PRDM16: variants seen among roughly 807,000 people sequenced by gnomAD.
The protein encoded by PRDM16 is histone-lysine N-methyltransferase PRDM16.
PRDM16 carries 23 observed loss-of-function variants against 110.6 expected under a neutral mutation model. That is an observed-to-expected ratio of 0.21 (90% confidence interval 0.15 to 0.29). The LOEUF (loss-of-function observed/expected upper bound fraction) is 0.29, where lower values mean the gene tolerates loss of function less well. Ranked by LOEUF, PRDM16 falls within the 10% of genes least tolerant of loss-of-function variation. The pLI, the probability that PRDM16 is intolerant of heterozygous loss-of-function variation, is 1.00. For synonymous variants in PRDM16, 799 were observed against 781.8 expected (o/e 1.02, Z -0.37); for missense variants, 1,615 against 1,794.3 (o/e 0.90, Z 1.81).
chr1:3,212,911 C>A (rs1638932046), intron 2 of PRDM16, among the ~76,000 whole-genome samples: 1 of 152,226 alleles, frequency 6.6e-6, no homozygotes, highest in African/African-American at 2.4e-5. Flanking sequence ...AGGCCCCGAG[C>A]CTTTCCTTTT....
intron 1 of PRDM16, among the ~76,000 whole-genome samples, chr1:3,091,822 C>T (rs1037271549): frequency 6.6e-6 from 1 of 152,202 alleles, no homozygotes; most frequent in Non-Finnish European, 1.5e-5. Context: ...CCACTTGCCC[C>T]GACTCTGTGA....
intron 2 of PRDM16, among the ~76,000 whole-genome samples, chr1:3,215,180 ACATCC>A (rs1315354609): frequency 2.0e-5 from 3 of 152,224 alleles, no homozygotes; most frequent in Non-Finnish European, 2.9e-5. Context: ...AACCAAAAGG[ACATCC>A]CCAAGAAGTC....
chr1:3,431,626 C>A (rs1243605239), intron 15 of PRDM16, among the ~76,000 whole-genome samples: 1 of 149,818 alleles, frequency 6.7e-6, no homozygotes, highest in Non-Finnish European at 1.5e-5. Context: ...GCCCCTGAGT[C>A]CTGGGAGAGG....
intron 3 of PRDM16, among the ~76,000 whole-genome samples, chr1:3,314,073 G>GT (rs1553161927): frequency 1.4e-5 from 2 of 141,720 alleles, no homozygotes; most frequent in Non-Finnish European, 3.0e-5. Context: ...TTCCCCACCG[G>GT]GGGGGGGGGC....
intron 16 of PRDM16, 33 bp downstream of exon 16, chr1:3,432,173 A>G: frequency 6.3e-7 from 1 of 1,586,902 alleles, no homozygotes; most frequent in South Asian, 1.1e-5. Context: ...CCCCCACCCC[A>G]CCTGGCCTCC....
At position 3,412,579 on chromosome 1, in the gene PRDM16, C is replaced by T. The variant is rs1432488508; in HGVS notation, c.2382C>T (p.Ala794=). The T allele has an allele frequency of 1.9e-6, 3 of 1,607,120 alleles. No homozygotes were observed. The highest frequency in any genetic ancestry group is 2.2e-5 in the East Asian group (1 of 44,758). ...TGCCCATGCCCAAGGGCCCCTCGGC[C>T]CCCGCATCCGGCGAGGAGCAGCCGC... The part of the protein sequence containing the change: ...PILPMPKGPS[A]PASGEEQPLD... Residue 794 remains alanine, a synonymous_variant, in exon 9 of 17, where the codon GCC becomes GCT. Coordinates refer to ENST00000270722, the MANE Select transcript of PRDM16 (RefSeq NM_022114.4).
chr1:3,138,258 ATCT>A (rs1243272817), intron 1 of PRDM16, among the ~76,000 whole-genome samples: 5 of 152,212 alleles, frequency 3.3e-5, no homozygotes, highest in South Asian at 2.1e-4. Flanking sequence ...AAAGGAAAGG[ATCT>A]TCTTCAAGTT....
intron 12 of PRDM16, among the ~76,000 whole-genome samples, chr1:3,423,095 T>G (rs1180737403): frequency 6.6e-6 from 1 of 152,236 alleles, no homozygotes; most frequent in Non-Finnish European, 1.5e-5. Flanking sequence ...ATTGAGTGGA[T>G]GAAGCCTTAG....
intron 4 of PRDM16, among the ~76,000 whole-genome samples, chr1:3,387,799 T>A (rs1643228134): frequency 6.6e-6 from 1 of 152,256 alleles, no homozygotes; most frequent in Non-Finnish European, 1.5e-5. Context: ...TGGAATGTAT[T>A]TTCCTTTGAA....
intron 3 of PRDM16, among the ~76,000 whole-genome samples, chr1:3,258,013 G>A (rs1640086851): frequency 6.6e-6 from 1 of 152,124 alleles, no homozygotes; most frequent in East Asian, 1.9e-4. Flanking sequence ...GACTCCTCCT[G>A]GAGTCTGAAT....
intron 1 of PRDM16, among the ~76,000 whole-genome samples, chr1:3,121,711 G>A (rs952683183): frequency 3.3e-5 from 5 of 152,232 alleles, no homozygotes; most frequent in Non-Finnish European, 7.3e-5. Context: ...GCCAAGTGCC[G>A]CCGACAGCCT....
intron 1 of PRDM16, among the ~76,000 whole-genome samples, chr1:3,176,032 C>T (rs566105175): frequency 1.2e-4 from 13 of 106,994 alleles, no homozygotes; most frequent in African/African-American, 2.9e-4. Context: ...TAAATCTATC[C>T]ACCCATCCAT....
intron 3 of PRDM16, among the ~76,000 whole-genome samples, chr1:3,349,352 G>C (rs907417515): frequency 2.6e-5 from 4 of 152,182 alleles, no homozygotes; most frequent in Non-Finnish European, 2.9e-5. Flanking sequence ...AGGTGCTGAC[G>C]TGGCACCGTG....
At chr1:3,333,014 T>C (rs773667920) in intron 3 of PRDM16, among the ~76,000 whole-genome samples, 1 of 152,240 alleles carries the variant, frequency 6.6e-6, no homozygotes, top group Non-Finnish European at 1.5e-5. Flanking sequence ...TTTCCACCTC[T>C]TGGCGATTTT....
intron 3 of PRDM16, among the ~76,000 whole-genome samples, chr1:3,383,892 C>T (rs991440236): frequency 7.2e-5 from 11 of 151,810 alleles, no homozygotes; most frequent in African/African-American, 2.7e-4. Flanking sequence ...GACACACCTG[C>T]CCACCAGGAC....
At chr1:3,137,362 C>G (rs911009872) in intron 1 of PRDM16, among the ~76,000 whole-genome samples, 8 of 152,234 alleles carry the variant, frequency 5.3e-5, no homozygotes, top group African/African-American at 1.9e-4. Context: ...TGTGGTGTCT[C>G]CCTCCTTCCT....
Position 3,175,236 on chromosome 1 carries a change from G to A in PRDM16, c.38-10889G>A, listed in dbSNP as rs1259628664. On this transcript the variant is annotated intron_variant, in intron 1 of 16. Coordinates refer to ENST00000270722, the MANE Select transcript of PRDM16 (RefSeq NM_022114.4). The surrounding 1 kb of genome is among the most constrained non-coding windows in gnomAD (Gnocchi z 4.8). ...TTTCTAGCAAACTGTTTTTGGGAAG[G>A]GGCCTTCAGGATGACCCTGCCGCTC... is the stretch of plus-strand genomic sequence containing the variant. 6.6e-6 allele frequency among the ~76,000 whole-genome samples: 1 copy of A among 152,178 alleles called. No homozygotes were observed. Among genetic ancestry groups the A allele is most frequent in the African/African-American group, 2.4e-5 (1 of 41,454 alleles).
chr1:3,268,888 C>T (rs775410295), intron 3 of PRDM16, among the ~76,000 whole-genome samples: 53 of 152,348 alleles, frequency 3.5e-4, no homozygotes, highest in Admixed American at 1.0e-3. Flanking sequence ...CCCCATGCTG[C>T]GCCAAGCCAA....
Position 3,426,203 on chromosome 1 carries a change from G to C in PRDM16, c.3262G>C (p.Ala1088Pro). Reference sequence around the variant, plus strand: ...TATTGCCAATAGTGAGATGAACCAAGCATCAACGCGAACAGAGAAACGGTA... The same window carrying C: ...TATTGCCAATAGTGAGATGAACCAACCATCAACGCGAACAGAGAAACGGTA... ...NFIANSEMNQ[A>P]STRTEKRADM... The change falls in exon 14 of 17, where the codon GCA becomes CCA. Residue 1088 changes from alanine to proline, a missense_variant. This residue lies in a region of PRDM16 where 327 missense variants were observed against 359.3 expected (regional missense o/e 0.91). Transcript: ENST00000270722. 1 of 1,613,778 alleles carries C rather than the reference G, an allele frequency of 6.2e-7. No individual in the cohort carries two copies. Among genetic ancestry groups the C allele is most frequent in the Non-Finnish European group, 8.5e-7 (1 of 1,179,858 alleles).
Sources: gnomAD v4.1 joint callset for allele counts (sites outside exome capture counted in the v4.1 genomes callset) on GRCh38, gnomAD v4.1.1 for gene constraint, gnomAD v4.1.1 regional missense constraint, Gnocchi (gnomAD v3.1) non-coding constraint, MANE v1.5 for transcripts, NCBI Gene and HGNC (gene_info 2026-07-23, HGNC 2026-07-21) for gene names.